The following AKAP12 variants were observed in gnomAD, a reference collection of about 807,000 sequenced individuals.
AKAP12 encodes A-kinase anchor protein 12.
AKAP12 carries 32 observed loss-of-function variants against 79.9 expected under a neutral mutation model. The ratio of observed to expected loss-of-function variants is 0.40; its 90% CI spans 0.30 to 0.54. The LOEUF is 0.54. Among genes scored for constraint, AKAP12 ranks in the 20% least tolerant of loss-of-function variants. AKAP12 has a pLI of 0.48. For missense variants in AKAP12, 2,074 were observed against 2,177.0 expected (o/e 0.95, Z 0.94); for synonymous variants, 808 against 857.0 (o/e 0.94, Z 1.00).
chr6:151,251,825 T>G (rs1237206599), intron 2 of AKAP12, among the ~76,000 whole-genome samples: 1 of 152,120 alleles, frequency 6.6e-6, no homozygotes. Context: ...GGTGAAACCC[T>G]GTCTTTACTA....
Position 151,349,260 on chromosome 6 carries a change from G to T in AKAP12, c.869G>T (p.Ser290Ile). 6.2e-7 allele frequency: 1 copy of T among 1,613,500 alleles called. No individual in the cohort carries two copies. The highest frequency in any genetic ancestry group is 8.5e-7 in the Non-Finnish European group (1 of 1,179,898). ...SAESPTSPVTSETGSTFKKFF... is the reference protein window; with the variant it reads ...SAESPTSPVTIETGSTFKKFF... ...GAATCTCCGACTAGTCCCGTGACCA[G>T]TGAAACAGGATCAACCTTCAAAAAA... is the stretch of plus-strand genomic sequence containing the variant. The change falls in exon 4 of 5, where the codon AGT (serine) becomes ATT (isoleucine). Residue 290 changes from serine (S) to isoleucine (I), a missense_variant. Physicochemically the swap from Ser to Ile is moderately radical, Grantham distance 142. Coordinates refer to ENST00000402676, the MANE Select transcript of AKAP12 (RefSeq NM_005100.4).
intron 2 of AKAP12, among the ~76,000 whole-genome samples, chr6:151,274,281 T>A (rs2473607): frequency 0.63 from 94,527 of 151,142 alleles, 30,187 homozygotes; most frequent in African/African-American, 0.77. Flanking sequence ...GTTCTACCAT[T>A]TTGCCCATGC....
intron 2 of AKAP12, among the ~76,000 whole-genome samples, chr6:151,270,882 A>G (rs9383876): frequency 0.14 from 21,382 of 152,164 alleles, 1,564 homozygotes; most frequent in East Asian, 0.19. Flanking sequence ...TGTGTATATG[A>G]CAGACATCAT....
intron 2 of AKAP12, among the ~76,000 whole-genome samples, chr6:151,246,242 C>G (rs1377080568): frequency 6.6e-6 from 1 of 152,166 alleles, no homozygotes; most frequent in African/African-American, 2.4e-5. Context: ...CATGGCGAAA[C>G]CTCGTCTCTA....
intron 2 of AKAP12, among the ~76,000 whole-genome samples, chr6:151,270,747 T>G (rs1776164009): frequency 6.6e-6 from 1 of 152,152 alleles, no homozygotes; most frequent in African/African-American, 2.4e-5. Flanking sequence ...CATCTCACTG[T>G]GGTTTTGATG....
chr6:151,354,493 C>T (rs1453895790), intron 4 of AKAP12, among the ~76,000 whole-genome samples: 1 of 152,132 alleles, frequency 6.6e-6, no homozygotes, highest in African/African-American at 2.4e-5. Flanking sequence ...CCTGCCTCAG[C>T]CTCCCGAGTA....
intron 3 of AKAP12, among the ~76,000 whole-genome samples, chr6:151,341,943 C>T (rs1422601373): frequency 6.6e-6 from 1 of 152,242 alleles, no homozygotes; most frequent in Non-Finnish European, 1.5e-5. Flanking sequence ...CTTGCCCCAG[C>T]CCCCAGCCCT....
In AKAP12 at chr6:151,352,331, T is replaced by A. The variant is rs763710825; in HGVS notation, c.3940T>A (p.Cys1314Ser). ...LKGEGTEEAECKKDDALELQS... is the reference protein window; with the variant it reads ...LKGEGTEEAESKKDDALELQS... ...AGGTGAAGGGACAGAAGAAGCTGAATGTAAAAAGGATGATGCTCTTGAACT... is the reference window on the plus strand; with the variant it reads ...AGGTGAAGGGACAGAAGAAGCTGAAAGTAAAAAGGATGATGCTCTTGAACT... Residue 1314 changes from cysteine to serine, a missense_variant, in exon 4 of 5, where the codon TGT becomes AGT. Around this residue, in one of 3 missense-constraint regions of AKAP12, gnomAD observed 614 missense variants for 665.6 expected, o/e 0.92. Coordinates refer to ENST00000402676, the MANE Select transcript of AKAP12 (RefSeq NM_005100.4). 6.2e-7 allele frequency: 1 copy of A among 1,614,074 alleles called. No homozygotes were observed. The highest frequency in any genetic ancestry group is 2.2e-5 in the East Asian group (1 of 44,874).
intron 2 of AKAP12, among the ~76,000 whole-genome samples, chr6:151,264,873 C>T (rs961073698): frequency 6.6e-6 from 1 of 151,288 alleles, no homozygotes; most frequent in Middle Eastern, 3.5e-3. Flanking sequence ...TTATGTTGGC[C>T]GGGCGCAGTG....
intron 3 of AKAP12, among the ~76,000 whole-genome samples, chr6:151,338,869 C>G (rs1329611287): frequency 6.6e-6 from 1 of 152,174 alleles, no homozygotes; most frequent in Admixed American, 6.5e-5. Flanking sequence ...TCCAATTTCT[C>G]CACTGTAGAA....
intron 3 of AKAP12, chr6:151,341,780 G>A (rs1018820322): frequency 7.8e-7 from 1 of 1,286,688 alleles, no homozygotes; most frequent in East Asian, 5.6e-5. Context: ...GGACCGGCCC[G>A]AGATGGGTGT....
At chr6:151,244,982 T>G (rs1450398830) in intron 2 of AKAP12, among the ~76,000 whole-genome samples, 1 of 152,256 alleles carries the variant, frequency 6.6e-6, no homozygotes, top group Non-Finnish European at 1.5e-5. Context: ...CCTTGAAATG[T>G]GCATCCTCTT....
intron 3 of AKAP12, among the ~76,000 whole-genome samples, chr6:151,318,735 A>G (rs560144970): frequency 6.6e-6 from 1 of 152,256 alleles, no homozygotes; most frequent in Middle Eastern, 3.4e-3. Flanking sequence ...CAGGGGTTTG[A>G]GACTAGCCTG....
intron 2 of AKAP12, among the ~76,000 whole-genome samples, chr6:151,278,885 T>C (rs1294656856): frequency 3.3e-5 from 5 of 152,178 alleles, no homozygotes; most frequent in East Asian, 3.9e-4. Context: ...GCCAGGATGG[T>C]CTCGATCTCC....
rs142685441 is a variant in AKAP12 at position 151,289,003 on chromosome 6, T to C, written c.163-16744T>C. ...GAAAATGCACTTGTGTAAGATCACT[T>C]ATTCAAGCCGTAATCAGTACCTACT... On this transcript the variant is annotated intron_variant, in intron 2 of 4. Transcript: ENST00000402676. Among the ~76,000 whole-genome samples, 513 of 152,362 alleles carry C rather than the reference T, an allele frequency of 3.4e-3. 1 individual carries two copies. Among genetic ancestry groups the C allele is most frequent in the African/African-American group, 0.012 (487 of 41,564 alleles).
At chr6:151,276,932 T>A (rs1348871373) in intron 2 of AKAP12, among the ~76,000 whole-genome samples, 1 of 152,198 alleles carries the variant, frequency 6.6e-6, no homozygotes, top group Non-Finnish European at 1.5e-5. Context: ...CTTGGCAGTT[T>A]GAGGTGGAAT....
At chr6:151,343,912 CT>C in intron 3 of AKAP12, 1 of 437,330 alleles carries the variant, frequency 2.3e-6, no homozygotes, top group Non-Finnish European at 4.3e-6. Flanking sequence ...AAAGCATTTT[CT>C]TATTTCAGAA....
chr6:151,308,162 G>A (rs1321543944), intron 3 of AKAP12, among the ~76,000 whole-genome samples: 6 of 151,758 alleles, frequency 4.0e-5, no homozygotes, highest in South Asian at 2.1e-4. Flanking sequence ...GGTGTGAGCC[G>A]CCACGCCCAG....
chr6:151,240,405 C>G lies in AKAP12; in HGVS notation c.-158C>G. 1 of 702,856 alleles carries G rather than the reference C, an allele frequency of 1.4e-6. No individual in the cohort carries two copies. The highest frequency in any genetic ancestry group is 1.9e-5 in the African/African-American group (1 of 53,552). The allele number at this position is 702,856 out of a possible 1,614,324, so 43.5% of individuals were successfully genotyped here. A position where few individuals can be genotyped will look rare whatever the true frequency, so the allele number is the denominator to read the frequency against. Reference sequence around the variant, plus strand: ...TAAGGAGTTTGCCGCGAGCGCGTCTCCTTCATTCGCAGGCTGGGCGCGTTC... The same window carrying G: ...TAAGGAGTTTGCCGCGAGCGCGTCTGCTTCATTCGCAGGCTGGGCGCGTTC... On this transcript the variant is annotated 5_prime_UTR_variant, in exon 2 of 5. Transcript: ENST00000402676.
Sources: allele counts gnomAD v4.1 joint callset (sites outside exome capture counted in the v4.1 genomes callset), GRCh38; gene constraint gnomAD v4.1.1; regional missense constraint gnomAD v4.1.1; transcripts MANE v1.5; gene names NCBI Gene and HGNC (gene_info 2026-07-23, HGNC 2026-07-21).